COBLL1: variants seen among roughly 807,000 people sequenced by gnomAD.
The protein encoded by COBLL1 is cordon-bleu WH2 repeat protein like 1, also known as cordon-bleu protein-like 1.
In COBLL1, 50 loss-of-function variants were observed where a neutral mutation model predicts 94.8. The observed-to-expected ratio is 0.53, with a 90% CI of 0.42 to 0.67. The LOEUF (loss-of-function observed/expected upper bound fraction) is 0.67. Ranked by LOEUF, COBLL1 falls within the 30% of genes least tolerant of loss-of-function variation. The pLI is 0.00. For synonymous variants in COBLL1, 448 were observed against 473.8 expected (o/e 0.95, Z 0.71); for missense variants, 1,362 against 1,348.7 (o/e 1.01, Z -0.15).
At chr2:164,747,233 T>C (rs1302631566) in intron 2 of COBLL1, among the ~76,000 whole-genome samples, 4 of 152,124 alleles carry the variant, frequency 2.6e-5, no homozygotes, top group African/African-American at 9.7e-5. Flanking sequence ...TTTTACAAGA[T>C]GAATGAAAAA....
In COBLL1 at chr2:164,695,411, C is replaced by G; in HGVS notation, c.1981G>C (p.Gly661Arg). 1.2e-6 allele frequency: 2 copies of G among 1,613,834 alleles called. No individual in the cohort carries two copies. The highest frequency in any genetic ancestry group is 1.7e-6 in the Non-Finnish European group (2 of 1,179,908). Residue 661 changes from glycine (G) to arginine (R), a missense_variant, in exon 12 of 14, where the codon GGC (glycine) becomes CGC (arginine). Transcript: ENST00000652658. Reference sequence around the variant, plus strand: ...TCTTCTGAATGTATAATTAGGGTGCCTTGACTCCTGAATTCCCTTGAGGTA... The same window carrying G: ...TCTTCTGAATGTATAATTAGGGTGCGTTGACTCCTGAATTCCCTTGAGGTA... ...VNTSREFRSQ[G>R]TLIIHSEDPL...
At chr2:164,679,883 G>A (rs1664823576), downstream of COBLL1, among the ~76,000 whole-genome samples, 1 of 151,588 alleles carries the variant, frequency 6.6e-6, no homozygotes, top group Admixed American at 6.6e-5. Context: ...CATGTATACT[G>A]ATGTAACAAA....
In COBLL1 at chr2:164,684,683, G is replaced by A. The variant is rs1223318005; in HGVS notation, c.*1263C>T. The A allele has an allele frequency of 6.6e-6, 1 of 151,982 alleles. No homozygotes were observed. The highest frequency in any genetic ancestry group is 1.9e-4 in the East Asian group (1 of 5,178). The allele number at this position is 151,982 out of a possible 1,614,324, so 9.4% of individuals were successfully genotyped here. On this transcript the variant is annotated 3_prime_UTR_variant, in exon 14 of 14. Coordinates refer to ENST00000652658, the MANE Select transcript of COBLL1 (RefSeq NM_001365672.2). ...CTTACAAATTTCTTGTTTGTTCACT[G>A]GCTAATAGAAATGTATGCATCAGGT... is the stretch of plus-strand genomic sequence containing the variant.
intron 2 of COBLL1, among the ~76,000 whole-genome samples, chr2:164,762,979 A>G (rs1164742895): frequency 2.0e-5 from 3 of 152,126 alleles, no homozygotes; most frequent in Non-Finnish European, 2.9e-5. Flanking sequence ...TACAGGCTAG[A>G]GCCACTGCGC....
chr2:164,659,613 C>T (rs1028424305), intron 2 of COBLL1, among the ~76,000 whole-genome samples: 2 of 152,120 alleles, frequency 1.3e-5, no homozygotes, highest in Non-Finnish European at 2.9e-5. Flanking sequence ...ATTGTAACTC[C>T]ATTTTCTAAT....
At chr2:164,773,799 C>T in intron 2 of COBLL1, 4 of 1,253,578 alleles carry the variant, frequency 3.2e-6, no homozygotes, top group Non-Finnish European at 4.1e-6. Flanking sequence ...CTGTTACTAA[C>T]TCAACTGTTT....
At position 164,673,869 on chromosome 2, in the gene COBLL1, T is replaced by A. The variant is rs181783167; in HGVS notation, n.127-7968A>T. Among the ~76,000 whole-genome samples, 27 of 152,188 alleles carry A rather than the reference T, an allele frequency of 1.8e-4. No individual in the cohort carries two copies. The East Asian group carries it at 4.8e-3, about 27-fold the overall frequency. On this transcript the variant is annotated intron_variant and non_coding_transcript_variant, in intron 1 of 2. Transcript: ENST00000495084. ...TAAACCTAACCAAATTTTTAAAAAA[T>A]ATCTCTTTAGAAACTTGAGAGAATT...
In COBLL1 at chr2:164,743,751, T is replaced by C; in HGVS notation, c.166A>G (p.Lys56Glu). ...IMEQKENMID[K>E]DVELSVVLPG... ...AGGACCACTGAGAGTTCAACGTCTTTATCTATCATGTTTTCTTTCTGTTCC... is the reference window on the plus strand; with the variant it reads ...AGGACCACTGAGAGTTCAACGTCTTCATCTATCATGTTTTCTTTCTGTTCC... Residue 56 changes from lysine (K) to glutamate (E), a missense_variant, in exon 3 of 14, where the codon AAA becomes GAA. Transcript: ENST00000652658. 6.2e-7 allele frequency: 1 copy of C among 1,613,722 alleles called. No homozygotes were observed.
chr2:164,804,241 G>A (rs1179396569), intron 2 of COBLL1, among the ~76,000 whole-genome samples: 1 of 152,114 alleles, frequency 6.6e-6, no homozygotes, highest in East Asian at 1.9e-4. Flanking sequence ...AGGAAAACCA[G>A]CTGGGAAACT....
intron 7 of COBLL1, chr2:164,718,208 G>A (rs1685272925): frequency 1.0e-6 from 1 of 970,994 alleles, no homozygotes; most frequent in Non-Finnish European, 1.2e-6. Flanking sequence ...CACCTACCAT[G>A]TTACAGAATT....
In COBLL1 at chr2:164,841,039, G is replaced by T; in HGVS notation, c.41+117C>A. ...TCCCCGGCCGCGTGGAGGACAGTCA[G>T]TGAGTCAGGCCGCCGGCAGGGCAGC... On this transcript the variant is annotated intron_variant, in intron 2 of 13. Coordinates refer to ENST00000652658, the MANE Select transcript of COBLL1 (RefSeq NM_001365672.2). This position sits in a 1 kb window ranked among gnomAD's most constrained non-coding sequence, Gnocchi z 5.5. 2 of 1,108,756 alleles carry T rather than the reference G, an allele frequency of 1.8e-6. No individual in the cohort carries two copies. The highest frequency in any genetic ancestry group is 2.3e-6 in the Non-Finnish European group (2 of 877,782). The allele number at this position is 1,108,756 out of a possible 1,614,324, so 68.7% of individuals were successfully genotyped here.
At chr2:164,790,729 C>A (rs1314971599) in intron 2 of COBLL1, among the ~76,000 whole-genome samples, 2 of 152,106 alleles carry the variant, frequency 1.3e-5, no homozygotes, top group Non-Finnish European at 1.5e-5. Flanking sequence ...TTCACACTTG[C>A]CTGCTACATA....
chr2:164,800,274 G>A (rs1006902341), intron 2 of COBLL1, among the ~76,000 whole-genome samples: 2 of 152,070 alleles, frequency 1.3e-5, no homozygotes, highest in Non-Finnish European at 2.9e-5. Flanking sequence ...GACTTAAACA[G>A]TTGTCTCAAA....
At chr2:164,689,978 ATC>A (rs1317875214) in intron 13 of COBLL1, among the ~76,000 whole-genome samples, 1 of 152,158 alleles carries the variant, frequency 6.6e-6, no homozygotes, top group Non-Finnish European at 1.5e-5. Flanking sequence ...ATGCATATAT[ATC>A]TGTGTATTTT....
At chr2:164,665,405 T>C (rs1691142240) in intron 2 of COBLL1, among the ~76,000 whole-genome samples, 1 of 151,238 alleles carries the variant, frequency 6.6e-6, no homozygotes, top group Non-Finnish European at 1.5e-5. Flanking sequence ...AAATTCATGT[T>C]GATGGTCACG....
chr2:164,797,294 AT>A (rs1683514235), intron 2 of COBLL1, among the ~76,000 whole-genome samples: 1 of 152,046 alleles, frequency 6.6e-6, no homozygotes, highest in Non-Finnish European at 1.5e-5. Flanking sequence ...TCATCATGTG[AT>A]TTTTTTCAGA....
intron 2 of COBLL1, among the ~76,000 whole-genome samples, chr2:164,765,007 A>G (rs1687865442): frequency 6.6e-6 from 1 of 152,152 alleles, no homozygotes; most frequent in South Asian, 2.1e-4. Flanking sequence ...GAAGGAATAA[A>G]ATAATTAGAA....
In COBLL1 at chr2:164,683,315, A is replaced by T. The variant is rs545080188; in HGVS notation, c.*2631T>A. ...AAAGTTGGTTCTAGACCATTCCTGT[A>T]TCTTCCTTGTGCTGTTATTTTAGGA... is the stretch of plus-strand genomic sequence containing the variant. On this transcript the variant is annotated 3_prime_UTR_variant, in exon 14 of 14. Transcript: ENST00000652658. 1.3e-5 allele frequency: 2 copies of T among 152,172 alleles called. No individual in the cohort carries two copies. Among genetic ancestry groups the T allele is most frequent in the Admixed American group, 1.3e-4 (2 of 15,270 alleles). 9.4% of individuals were successfully genotyped at this position (152,172 alleles called of 1,614,324 possible). A position where few individuals can be genotyped will look rare whatever the true frequency, so the allele number is the denominator to read the frequency against.
At chr2:164,778,485 C>A (rs1385200547) in intron 2 of COBLL1, among the ~76,000 whole-genome samples, 1 of 152,042 alleles carries the variant, frequency 6.6e-6, no homozygotes, top group African/African-American at 2.4e-5. Context: ...TGCCTGTAGT[C>A]CCAGCTACTC....
Sources: allele counts gnomAD v4.1 joint callset (sites outside exome capture counted in the v4.1 genomes callset), GRCh38; gene constraint gnomAD v4.1.1; non-coding constraint Gnocchi (gnomAD v3.1); transcripts MANE v1.5; gene names NCBI Gene and HGNC (gene_info 2026-07-23, HGNC 2026-07-21).